Variants in RYR2 observed in about 807,000 individuals in gnomAD.
RYR2 encodes the protein cardiac muscle ryanodine receptor-calcium release channel.
In RYR2, 227 loss-of-function variants were observed where a neutral mutation model predicts 601.1. That is an observed-to-expected ratio of 0.38 (90% CI 0.34 to 0.42). RYR2 has a LOEUF of 0.42. Ranked by LOEUF, RYR2 falls within the 10% of genes least tolerant of loss-of-function variation. The pLI is 1.00. For missense variants in RYR2, 4,646 were observed against 6,156.5 expected, an observed-to-expected ratio of 0.75 and a Z score of 8.21; for synonymous variants, 2,223 against 2,175.1, an observed-to-expected ratio of 1.02 and a Z score of -0.61.
At chr1:237,256,071 A>G (rs1224844893) in intron 1 of RYR2, among the ~76,000 whole-genome samples, 2 of 152,078 alleles carry the variant, frequency 1.3e-5, no homozygotes, top group African/African-American at 4.8e-5. Flanking sequence ...CATAATTCCC[A>G]CATGTTGTGG....
rs187414358 is a variant in RYR2, at chr1:237,412,529, A to C, written c.774-4520A>C. Among the ~76,000 whole-genome samples the C allele has an allele frequency of 1.0e-3, 158 of 152,300 alleles. 1 individual carries two copies. The highest frequency in any genetic ancestry group is 3.6e-3 in the African/African-American group (149 of 41,582). On this transcript the variant is annotated intron_variant, in intron 10 of 104. Transcript: ENST00000366574. Reference sequence around the variant, plus strand: ...TTGACTTTGTCTGGTTTATGAGATTAAAGTTTTTAAACAAAATTCTGTTCA... The same window carrying C: ...TTGACTTTGTCTGGTTTATGAGATTCAAGTTTTTAAACAAAATTCTGTTCA...
At chr1:237,439,524 G>A (rs980330191) in intron 12 of RYR2, among the ~76,000 whole-genome samples, 19 of 151,762 alleles carry the variant, frequency 1.3e-4, no homozygotes, top group Middle Eastern at 6.8e-3. Context: ...GGCGCCTGTC[G>A]TCCCAGCTAC....
At chr1:237,189,240 T>G (rs536933476) in intron 1 of RYR2, among the ~76,000 whole-genome samples, 100 of 152,346 alleles carry the variant, frequency 6.6e-4, no homozygotes, top group African/African-American at 2.4e-3. Flanking sequence ...TTTTAAGGCT[T>G]CATAATGTCA....
chr1:237,163,420 A>G (rs1161416116), intron 1 of RYR2, among the ~76,000 whole-genome samples: 1 of 128,834 alleles, frequency 7.8e-6, no homozygotes, highest in Non-Finnish European at 1.6e-5. Flanking sequence ...ATGCTTGAGT[A>G]CCCTCCAGGC....
chr1:237,804,588 C>G (rs1660396424), intron 98 of RYR2, among the ~76,000 whole-genome samples: 1 of 151,988 alleles, frequency 6.6e-6, no homozygotes, highest in Non-Finnish European at 1.5e-5. Context: ...TCCTGGCCCT[C>G]CCCCAAAAGT....
rs772804009 is a variant in RYR2, at chr1:237,717,366, C to T, written c.10492C>T (p.Leu3498=). The T allele has an allele frequency of 6.3e-7, 1 of 1,599,324 alleles. No homozygotes were observed. The highest frequency in any genetic ancestry group is 1.1e-5 in the South Asian group (1 of 89,224). The change falls in exon 72 of 105, where the codon CTG becomes TTG. Residue 3498 remains leucine, a splice_region_variant and synonymous_variant. Coordinates refer to ENST00000366574, the MANE Select transcript of RYR2 (RefSeq NM_001035.3). ...TGCTCTGGCCAAAAATCGATTTAGC[C>T]TGGTAAGTCTCCTTTTCATCCCAGC... ...LIALAKNRFS[L]KDTEDEVRDI... is the part of the protein sequence containing the mutation.
intron 3 of RYR2, among the ~76,000 whole-genome samples, chr1:237,331,688 C>G (rs1263200782): frequency 4.3e-5 from 5 of 116,528 alleles, no homozygotes; most frequent in Admixed American, 1.8e-4. Context: ...TTTTTTTTTT[C>G]TATTTTTAGT....
At chr1:237,719,055 A>G (rs55986580) in intron 73 of RYR2, among the ~76,000 whole-genome samples, 136 of 152,222 alleles carry the variant, frequency 8.9e-4, no homozygotes, top group African/African-American at 3.2e-3. Context: ...CTTGAGCCCA[A>G]GAGTTTGAGC....
intron 58 of RYR2, among the ~76,000 whole-genome samples, chr1:237,668,332 T>A (rs751315192): frequency 1.2e-4 from 18 of 152,196 alleles, no homozygotes; most frequent in Non-Finnish European, 2.2e-4. Context: ...GGTCCAGCTA[T>A]GTTACTGTCT....
intron 3 of RYR2, among the ~76,000 whole-genome samples, chr1:237,336,773 C>T (rs560897524): frequency 6.6e-6 from 1 of 152,030 alleles, no homozygotes; most frequent in South Asian, 2.1e-4. Context: ...AAGAGAATCG[C>T]TTGAACCCAG....
intron 14 of RYR2, among the ~76,000 whole-genome samples, chr1:237,448,519 A>G (rs1254327132): frequency 6.6e-6 from 1 of 152,098 alleles, no homozygotes; most frequent in Non-Finnish European, 1.5e-5. Context: ...TATTATTTAG[A>G]TCTTTAATTT....
chr1:237,452,663 A>T (rs1164447121), intron 14 of RYR2, among the ~76,000 whole-genome samples: 1 of 150,450 alleles, frequency 6.6e-6, no homozygotes, highest in African/African-American at 2.4e-5. Context: ...TTAGGTAATA[A>T]TATAGTTTAA....
At chr1:237,168,727 A>G (rs1024961756) in intron 1 of RYR2, among the ~76,000 whole-genome samples, 3 of 152,178 alleles carry the variant, frequency 2.0e-5, no homozygotes, top group African/African-American at 7.2e-5. Context: ...GGCATAAAGA[A>G]CAGAGCTGAT....
intron 2 of RYR2, among the ~76,000 whole-genome samples, chr1:237,275,999 G>A (rs1690245944): frequency 1.3e-5 from 2 of 152,152 alleles, no homozygotes; most frequent in African/African-American, 2.4e-5. Context: ...AGAGTTTCTT[G>A]AACATCATGA....
intron 23 of RYR2, among the ~76,000 whole-genome samples, 179 bp downstream of exon 23, chr1:237,506,993 T>C (rs1267080257): frequency 6.6e-6 from 1 of 152,244 alleles, no homozygotes; most frequent in Non-Finnish European, 1.5e-5. Context: ...TTAATGGGGC[T>C]GACAGGCATT....
In RYR2 at chr1:237,684,261, C is replaced by G. The variant is rs190496218; in HGVS notation, c.9018-3194C>G. Among the ~76,000 whole-genome samples, 46 of 152,126 alleles carry G rather than the reference C, an allele frequency of 3.0e-4. 2 individuals carry two copies. The East Asian group carries it at 8.1e-3, about 27-fold the overall frequency. ...TCGTTCAGATATTTCTGAATGCCAC[C>G]TATGTACGGCAAGCTGTCTGAGGCC... On this transcript the variant is annotated intron_variant, in intron 62 of 104. Transcript: ENST00000366574.
intron 19 of RYR2, among the ~76,000 whole-genome samples, chr1:237,493,900 G>A (rs2150428464): frequency 6.6e-6 from 1 of 152,306 alleles, no homozygotes; most frequent in East Asian, 1.9e-4. Context: ...CCATGTGCCA[G>A]CTGTGGCGCT....
At chr1:237,204,309 C>T (rs562596012) in intron 1 of RYR2, among the ~76,000 whole-genome samples, 62 of 152,286 alleles carry the variant, frequency 4.1e-4, no homozygotes, top group African/African-American at 1.4e-3. Context: ...ACGCCTGGCC[C>T]ATGTCTTTGT....
rs1190045511 is a variant in RYR2 at position 237,833,432 on chromosome 1, A to ATCTT, written c.*787_*790dup. 1 of 147,368 alleles carries ATCTT rather than the reference A, an allele frequency of 6.8e-6. No individual in the cohort carries two copies. The highest frequency in any genetic ancestry group is 2.5e-5 in the African/African-American group (1 of 39,694). The allele number at this position is 147,368 out of a possible 1,614,324, so 9.1% of individuals were successfully genotyped here. Reference sequence around the variant, plus strand: ...TGATGCAACATTGCAACTTTATGAAATCTTTGTATGAAAACAAAAAGACTG... The same window carrying ATCTT: ...TGATGCAACATTGCAACTTTATGAAATCTTTCTTTGTATGAAAACAAAAAGACTG... On this transcript the variant is annotated 3_prime_UTR_variant, in exon 105 of 105. Coordinates refer to ENST00000366574, the MANE Select transcript of RYR2 (RefSeq NM_001035.3).
Sources: gnomAD v4.1 joint callset for allele counts (sites outside exome capture counted in the v4.1 genomes callset) on GRCh38, gnomAD v4.1.1 for gene constraint, MANE v1.5 for transcripts, NCBI Gene and HGNC (gene_info 2026-07-23, HGNC 2026-07-21) for gene names.